The following L3HYPDH variants were observed in gnomAD, a reference collection of about 807,000 sequenced individuals.
L3HYPDH encodes trans-L-3-hydroxyproline dehydratase.
L3HYPDH carries 32 observed loss-of-function variants against 26.5 expected under a neutral mutation model. The observed-to-expected ratio is 1.21, with a 90% CI of 0.91 to 1.62. The LOEUF (loss-of-function observed/expected upper bound fraction) is 1.62. Among genes scored for constraint, L3HYPDH ranks in the 40% most tolerant of loss-of-function variants. L3HYPDH has a pLI of 0.00. For synonymous variants in L3HYPDH, 215 were observed against 196.6 expected (o/e 1.09, Z -0.78); for missense variants, 554 against 476.4 (o/e 1.16, Z -1.52).
the L3HYPDH span, among the ~76,000 whole-genome samples, chr14:59,491,553 GT>G: frequency 6.6e-6 from 1 of 152,194 alleles, no homozygotes; most frequent in Admixed American, 6.5e-5. Flanking sequence ...GTGTGTTTAT[GT>G]TTTCAGTGTT....
intron 2 of L3HYPDH, among the ~76,000 whole-genome samples, chr14:59,476,566 G>C (rs1205465239): frequency 6.6e-6 from 1 of 152,192 alleles, no homozygotes; most frequent in Non-Finnish European, 1.5e-5. Flanking sequence ...GGCGATGGCT[G>C]CTCAAACAGG....
the L3HYPDH span, chr14:59,494,896 C>T: frequency 5.4e-5 from 36 of 672,042 alleles, no homozygotes; most frequent in South Asian, 2.1e-4. Flanking sequence ...AGGTTATACT[C>T]GAGTAGTTTT....
At chr14:59,486,012 G>A (rs1398226643), upstream of L3HYPDH, 1 of 152,172 alleles carries the variant, frequency 6.6e-6, no homozygotes, top group Non-Finnish European at 1.5e-5. Context: ...CAAAGACAAC[G>A]TATTAGGTTC....
At chr14:59,469,338 A>C (rs892205790), downstream of L3HYPDH, among the ~76,000 whole-genome samples, 1 of 152,068 alleles carries the variant, frequency 6.6e-6, no homozygotes, top group Non-Finnish European at 1.5e-5. Context: ...GTGAATCACG[A>C]GATCAGGAGT....
intron 4 of L3HYPDH, 123 bp downstream of exon 4, chr14:59,475,746 A>G (rs1036501745): frequency 1.3e-5 from 14 of 1,077,162 alleles, no homozygotes; most frequent in Admixed American, 1.2e-4. Flanking sequence ...AGAAGTTTTT[A>G]CAGGCCTGCT....
the L3HYPDH span, among the ~76,000 whole-genome samples, chr14:59,499,683 G>T: frequency 6.6e-6 from 1 of 152,176 alleles, no homozygotes; most frequent in African/African-American, 2.4e-5. Context: ...CCTTTATATG[G>T]AGCTTGGTAA....
At chr14:59,486,747 T>C (rs370092236), upstream of L3HYPDH, 39 of 1,595,984 alleles carry the variant, frequency 2.4e-5, no homozygotes, top group African/African-American at 2.8e-4. Context: ...TTGGACTTTA[T>C]TGTGGGAAGA....
chr14:59,465,992 AAG>A (rs1227539576), intron 1 of L3HYPDH, among the ~76,000 whole-genome samples: 3 of 152,188 alleles, frequency 2.0e-5, no homozygotes, highest in Non-Finnish European at 4.4e-5. Flanking sequence ...CACTGATGTC[AAG>A]AGTTTCATAA....
upstream of L3HYPDH, chr14:59,484,538 G>C: frequency 6.4e-7 from 1 of 1,560,418 alleles, no homozygotes; most frequent in Non-Finnish European, 8.7e-7. Context: ...GTTCGGTGCA[G>C]CTGCCAGATC....
upstream of L3HYPDH, chr14:59,486,656 C>A: frequency 8.3e-7 from 1 of 1,209,016 alleles, no homozygotes. Context: ...GCTATTATTG[C>A]AATTATTTTT....
downstream of L3HYPDH, among the ~76,000 whole-genome samples, chr14:59,467,671 G>A (rs1016816056): frequency 6.6e-6 from 1 of 152,016 alleles, no homozygotes; most frequent in Non-Finnish European, 1.5e-5. Flanking sequence ...TATGTCTGTG[G>A]CCCCAACCTA....
intron 1 of L3HYPDH, among the ~76,000 whole-genome samples, chr14:59,465,935 C>G (rs1340363075): frequency 6.6e-6 from 1 of 152,104 alleles, no homozygotes; most frequent in African/African-American, 2.4e-5. Flanking sequence ...CTAACGGGTT[C>G]GCGGGTGGTG....
chr14:59,473,226 G>A (rs1889392375), intron 4 of L3HYPDH, 136 bp from the exon 5 acceptor site: 1 of 692,922 alleles, frequency 1.4e-6, no homozygotes, highest in Non-Finnish European at 2.2e-6. Flanking sequence ...AGGTTTTTAA[G>A]GAGAATGACA....
chr14:59,504,201 G>T, the L3HYPDH span: 1 of 639,888 alleles, frequency 1.6e-6, no homozygotes. Flanking sequence ...TAATGTTTGG[G>T]TTTGTCTTTG....
rs1267827559 is a variant in L3HYPDH, at chr14:59,476,072, AAAC to A, written c.801+17_801+19del. 2.5e-6 allele frequency: 4 copies of A among 1,613,698 alleles called. No homozygotes were observed. The African/African-American group carries it at 5.3e-5, about 22-fold the overall frequency. On this transcript the variant is annotated intron_variant, in intron 3 of 4. Transcript: ENST00000247194. ...TCCATATTACCTGGCTTTTGTCCCT[AAAC>A]ATTACAGTTTTAATACCTGTTCATC... is the stretch of plus-strand genomic sequence containing the variant.
intron 2 of L3HYPDH, among the ~76,000 whole-genome samples, chr14:59,478,084 T>C (rs1260820498): frequency 6.6e-6 from 1 of 152,182 alleles, no homozygotes; most frequent in African/African-American, 2.4e-5. Context: ...AAAAAAATAA[T>C]AGGAATTAAT....
chr14:59,487,913 C>A, upstream of L3HYPDH: 1 of 1,244,350 alleles, frequency 8.0e-7, no homozygotes. Context: ...AATTATGCTT[C>A]TTCTGTTTTA....
the L3HYPDH span, among the ~76,000 whole-genome samples, chr14:59,496,135 G>T: frequency 6.6e-6 from 1 of 152,066 alleles, no homozygotes; most frequent in Non-Finnish European, 1.5e-5. Context: ...TGAACTCCTG[G>T]CCTTAAGTGA....
At chr14:59,483,445 C>A in intron 1 of L3HYPDH, 2 of 1,088,060 alleles carry the variant, frequency 1.8e-6, no homozygotes, top group South Asian at 5.2e-5. Flanking sequence ...GCCTGGAACC[C>A]TGGTACATTG....
Sources: gnomAD v4.1 joint callset for allele counts (sites outside exome capture counted in the v4.1 genomes callset) on GRCh38, gnomAD v4.1.1 for gene constraint, MANE v1.5 for transcripts, NCBI Gene and HGNC (gene_info 2026-07-23, HGNC 2026-07-21) for gene names.